ABCA1: variants seen among roughly 807,000 people sequenced by gnomAD.
ABCA1 encodes ATP binding cassette subfamily A member 1, also known as phospholipid-transporting ATPase ABCA1.
ABCA1 carries 133 observed loss-of-function variants against 262.5 expected under a neutral mutation model. The ratio of observed to expected loss-of-function variants is 0.51; its 90% CI spans 0.44 to 0.59. ABCA1 has a LOEUF of 0.59. Among genes scored for constraint, ABCA1 ranks in the 20% least tolerant of loss-of-function variants. ABCA1 has a pLI of 0.00. For missense variants in ABCA1, 2,452 were observed against 2,777.5 expected, an observed-to-expected ratio of 0.88 and a Z score of 2.63; for synonymous variants, 1,022 against 1,043.5, an observed-to-expected ratio of 0.98 and a Z score of 0.40.
At chr9:104,821,530 C>T (rs1297542808) in intron 19 of ABCA1, 24 bp from the exon 20 acceptor site, 1 of 1,613,224 alleles carries the variant, frequency 6.2e-7, no homozygotes, top group Non-Finnish European at 8.5e-7. Context: ...TTTAGAAGTA[C>T]AGAAGTCAGG....
chr9:104,843,672 C>T (rs1834585043), intron 8 of ABCA1, among the ~76,000 whole-genome samples: 1 of 152,202 alleles, frequency 6.6e-6, no homozygotes, highest in South Asian at 2.1e-4. Flanking sequence ...GTGACACTGT[C>T]TGAACCTAGG....
At position 104,886,798 on chromosome 9, in the gene ABCA1, G is replaced by T. The variant is rs945113680; in HGVS notation, c.161-2230C>A. ...AGTAAATAATATAATGGGCTCTCAG[G>T]ACCCAGGGAAGTTTTTAAGACCTTG... On this transcript the variant is annotated intron_variant, in intron 3 of 49. Transcript: ENST00000374736. Among the ~76,000 whole-genome samples the T allele has an allele frequency of 2.0e-5, 3 of 152,204 alleles. No homozygotes were observed. The East Asian group carries it at 5.8e-4, about 29-fold the overall frequency.
rs1832010006 is a variant in ABCA1 at position 104,818,796 on chromosome 9, C to A, written c.3329G>T (p.Cys1110Phe). ...CAGAAACAGGGAGGAGCCCACACAG[C>A]ACAGCTTCCCATGGGAGATGATGGC... ...RIAIISHGKLCCVGSSLFLKN... is the reference protein window; with the variant it reads ...RIAIISHGKLFCVGSSLFLKN... Residue 1110 changes from cysteine to phenylalanine, a missense_variant, in exon 23 of 50, where the codon TGC (cysteine) becomes TTC (phenylalanine). Coordinates refer to ENST00000374736, the MANE Select transcript of ABCA1 (RefSeq NM_005502.4). The A allele has an allele frequency of 6.2e-7, 1 of 1,614,080 alleles. No individual in the cohort carries two copies. Among genetic ancestry groups the A allele is most frequent in the Non-Finnish European group, 8.5e-7 (1 of 1,180,034 alleles).
At chr9:104,794,855 A>G (rs569674925) in intron 39 of ABCA1, among the ~76,000 whole-genome samples, 4 of 152,228 alleles carry the variant, frequency 2.6e-5, no homozygotes, top group Non-Finnish European at 5.9e-5. Context: ...TGTCTGGGTC[A>G]ATATTTGAGT....
rs1229035048 is a variant in ABCA1 at position 104,832,649 on chromosome 9, A to G, written c.1434T>C (p.Asn478=). The G allele has an allele frequency of 1.2e-6, 2 of 1,614,188 alleles. No homozygotes were observed. The highest frequency in any genetic ancestry group is 1.7e-5 in the Admixed American group (1 of 60,018). The change falls in exon 12 of 50, where the codon AAT becomes AAC. Residue 478 remains asparagine, a synonymous_variant. Transcript: ENST00000374736. Reference sequence around the variant, plus strand: ...CTTCTCTCCAGGTGTACACAGAACCATTACTGGACTGGACATCCTCTGGGT... The same window carrying G: ...CTTCTCTCCAGGTGTACACAGAACCGTTACTGGACTGGACATCCTCTGGGT... The part of the protein sequence containing the change: ...AKHPEDVQSS[N]GSVYTWREAF...
intron 2 of ABCA1, among the ~76,000 whole-genome samples, chr9:104,896,636 G>C (rs1183605194): frequency 6.7e-6 from 1 of 149,078 alleles, no homozygotes; most frequent in African/African-American, 2.5e-5. Flanking sequence ...GTACATTCTG[G>C]GCTCTATCAG....
intron 17 of ABCA1, among the ~76,000 whole-genome samples, chr9:104,825,353 C>T (rs1832727623): frequency 6.6e-6 from 1 of 152,212 alleles, no homozygotes; most frequent in Non-Finnish European, 1.5e-5. Flanking sequence ...AAGCTGGTTA[C>T]TTAACGTCTT....
At position 104,829,071 on chromosome 9, in the gene ABCA1, C is replaced by T; in HGVS notation, c.1960G>A (p.Val654Met). The change falls in exon 15 of 50, where the codon GTG becomes ATG. Residue 654 changes from valine to methionine, a missense_variant. By Grantham distance (21) the Val-to-Met change is conservative. Around this residue, in one of 4 missense-constraint regions of ABCA1, gnomAD observed 1,032 missense variants for 1,089.7 expected, o/e 0.95. Transcript: ENST00000374736. The stretch of plus-strand genomic sequence containing the variant: ...TCATACACGATGCCCTTGATGATCA[C>T]AGCCACTGAGTAAATCCAGGCCAGC... The part of the protein sequence containing the change: ...MTLAWIYSVA[V>M]IIKGIVYEKE... 1.9e-6 allele frequency: 3 copies of T among 1,614,206 alleles called. No homozygotes were observed.
At chr9:104,840,782 C>T (rs926809040) in intron 8 of ABCA1, among the ~76,000 whole-genome samples, 1 of 152,144 alleles carries the variant, frequency 6.6e-6, no homozygotes, top group Non-Finnish European at 1.5e-5. Context: ...ACCCCTCTGC[C>T]GACCTGCAGA....
chr9:104,858,728 GC>G lies in ABCA1; in HGVS notation c.544-31del, dbSNP rs776394730. ...AAGCATTTCATGCAAAGAGAGACAAGCACAAGAGGATTATGAAGATTGGAAG... is the reference window on the plus strand; with the variant it reads ...AAGCATTTCATGCAAAGAGAGACAAGACAAGAGGATTATGAAGATTGGAAG... On this transcript the variant is annotated intron_variant, in intron 6 of 49. Transcript: ENST00000374736. The G allele has an allele frequency of 5.0e-6, 8 of 1,612,288 alleles. No homozygotes were observed. In the South Asian group the frequency reaches 7.7e-5, roughly 16 times the overall value.
intron 46 of ABCA1, 72 bp downstream of exon 46, chr9:104,787,848 T>C (rs1184031846): frequency 3.7e-6 from 6 of 1,613,512 alleles, no homozygotes; most frequent in African/African-American, 1.3e-5. Context: ...GCCCTGGACA[T>C]ATAGGACTTT....
Position 104,819,951 on chromosome 9 carries a change from T to G in ABCA1, c.3079A>C (p.Lys1027Gln), listed in dbSNP as rs949074813. 1.2e-6 allele frequency: 2 copies of G among 1,613,856 alleles called. No individual in the cohort carries two copies. Among genetic ancestry groups the G allele is most frequent in the Non-Finnish European group, 1.7e-6 (2 of 1,180,008 alleles). The part of the protein sequence containing the change: ...LDVGLPSSKL[K>Q]SKTSQLSGGM... ...CCTGACAGCTGGCTTGTTTTGCTTT[T>G]CAGCTTGCTTGATGGCAAACCAACA... is the stretch of plus-strand genomic sequence containing the variant. The change falls in exon 21 of 50, where the codon AAA (lysine) becomes CAA (glutamine). Residue 1027 changes from lysine to glutamine, a missense_variant. Around this residue, in one of 4 missense-constraint regions of ABCA1, gnomAD observed 665 missense variants for 727.3 expected, o/e 0.91. Transcript: ENST00000374736.
intron 1 of ABCA1, among the ~76,000 whole-genome samples, chr9:104,909,476 GTGGACCATA>G (rs1393911271): frequency 1.3e-5 from 2 of 152,162 alleles, no homozygotes; most frequent in African/African-American, 4.8e-5. Context: ...AACTGAGAGA[GTGGACCATA>G]TGCTACCCAC....
chr9:104,831,149 TAAA>T (rs34121951), intron 13 of ABCA1, 48 bp from the exon 14 acceptor site: 19,071 of 912,912 alleles, frequency 0.021, no homozygotes, highest in Middle Eastern at 0.034. Flanking sequence ...AACCATACAA[TAAA>T]AAAAAAAAAA....
intron 11 of ABCA1, among the ~76,000 whole-genome samples, chr9:104,833,436 C>A (rs1833524635): frequency 6.6e-6 from 1 of 152,192 alleles, no homozygotes; most frequent in South Asian, 2.1e-4. Flanking sequence ...CCCACCTCAA[C>A]CTCCCCAAGT....
At chr9:104,791,562 G>A (rs148910823) in intron 43 of ABCA1, among the ~76,000 whole-genome samples, 1 of 152,236 alleles carries the variant, frequency 6.6e-6, no homozygotes, top group Non-Finnish European at 1.5e-5. Context: ...GAGTAGCTGG[G>A]ACTACAGGAA....
Position 104,903,724 on chromosome 9 carries a change from A to G in ABCA1, c.-45T>C, listed in dbSNP as rs931745775. On this transcript the variant is annotated 5_prime_UTR_variant, in exon 2 of 50. Coordinates refer to ENST00000374736, the MANE Select transcript of ABCA1 (RefSeq NM_005502.4). Reference sequence around the variant, plus strand: ...CCAGCGTGTGGCTCGGGAGCCCTGGAAGGCAGCGGCCAGAGCTCACAGCAG... The same window carrying G: ...CCAGCGTGTGGCTCGGGAGCCCTGGGAGGCAGCGGCCAGAGCTCACAGCAG... The G allele has an allele frequency of 6.5e-7, 1 of 1,549,118 alleles. No homozygotes were observed. Among genetic ancestry groups the G allele is most frequent in the East Asian group, 2.4e-5 (1 of 41,584 alleles).
At chr9:104,814,013 G>C (rs537297076) in intron 27 of ABCA1, 105 bp downstream of exon 27, 105 of 1,144,950 alleles carry the variant, frequency 9.2e-5, no homozygotes, top group Non-Finnish European at 1.3e-4. Context: ...ACTCTGTAGG[G>C]ATCTATCACC....
Position 104,861,674 on chromosome 9 carries a change from C to T in ABCA1, c.543+5G>A, listed in dbSNP as rs765585885. ...CTACTGAGGAAGCTGGAGGCATCAGCTTACCTTGTGGAGAATGACATCAGC... is the reference window on the plus strand; with the variant it reads ...CTACTGAGGAAGCTGGAGGCATCAGTTTACCTTGTGGAGAATGACATCAGC... On this transcript the variant is annotated splice_donor_5th_base_variant and intron_variant, in intron 6 of 49. Coordinates refer to ENST00000374736, the MANE Select transcript of ABCA1 (RefSeq NM_005502.4). The T allele has an allele frequency of 1.2e-6, 2 of 1,614,184 alleles. No homozygotes were observed. Among genetic ancestry groups the T allele is most frequent in the Non-Finnish European group, 8.5e-7 (1 of 1,180,036 alleles).
Sources: gnomAD v4.1 joint callset for allele counts (sites outside exome capture counted in the v4.1 genomes callset) on GRCh38, gnomAD v4.1.1 for gene constraint, gnomAD v4.1.1 regional missense constraint, MANE v1.5 for transcripts, NCBI Gene and HGNC (gene_info 2026-07-23, HGNC 2026-07-21) for gene names.